Variants in NKAIN2 observed in about 807,000 individuals in gnomAD.
The protein encoded by NKAIN2 is sodium/potassium-transporting ATPase subunit beta-1-interacting protein 2.
Under a neutral mutation model 32.6 loss-of-function variants are expected in NKAIN2, and 14 were observed. The ratio of observed to expected loss-of-function variants is 0.43; its 90% CI spans 0.28 to 0.67. NKAIN2 has a LOEUF of 0.67. Ranked by LOEUF, NKAIN2 falls within the 30% of genes least tolerant of loss-of-function variation. The pLI is 0.17. For synonymous variants in NKAIN2, 80 were observed against 87.2 expected (o/e 0.92, Z 0.46); for missense variants, 198 against 258.3 (o/e 0.77, Z 1.60).
At chr6:124,056,039 C>G (rs528504185) in intron 1 of NKAIN2, among the ~76,000 whole-genome samples, 4 of 152,210 alleles carry the variant, frequency 2.6e-5, no homozygotes, top group Non-Finnish European at 5.9e-5. Context: ...CATGCCTGCT[C>G]TCTTAATTCC....
chr6:123,902,955 G>A (rs1774675753), intron 1 of NKAIN2, among the ~76,000 whole-genome samples: 1 of 152,138 alleles, frequency 6.6e-6, no homozygotes, highest in African/African-American at 2.4e-5. Context: ...ATAGTGTAAT[G>A]TCCAAAGCAG....
At chr6:123,840,751 C>T (rs944827688) in intron 1 of NKAIN2, among the ~76,000 whole-genome samples, 6 of 151,926 alleles carry the variant, frequency 3.9e-5, no homozygotes, top group Non-Finnish European at 5.9e-5. Context: ...GAAAATAGTA[C>T]AATAAGACTA....
At chr6:124,740,968 G>T (rs983299680) in intron 4 of NKAIN2, among the ~76,000 whole-genome samples, 2 of 151,756 alleles carry the variant, frequency 1.3e-5, no homozygotes, top group African/African-American at 4.8e-5. Flanking sequence ...AGAAAAGATG[G>T]TAACTTAGAC....
intron 1 of NKAIN2, among the ~76,000 whole-genome samples, chr6:124,192,005 C>T (rs1790044663): frequency 8.3e-6 from 1 of 121,094 alleles, no homozygotes; most frequent in African/African-American, 5.4e-5. Context: ...CTTAATTAGT[C>T]TTCTTAGGAG....
intron 1 of NKAIN2, among the ~76,000 whole-genome samples, chr6:123,932,642 C>T (rs910673987): frequency 6.6e-6 from 1 of 152,040 alleles, no homozygotes; most frequent in African/African-American, 2.4e-5. Context: ...TGGTCCCGAT[C>T]TCCTGACCTT....
chr6:124,108,133 C>T (rs1364460890), intron 1 of NKAIN2, among the ~76,000 whole-genome samples: 2 of 152,100 alleles, frequency 1.3e-5, no homozygotes, highest in Non-Finnish European at 2.9e-5. Flanking sequence ...TTTACATTCC[C>T]ATCCACAGTG....
intron 1 of NKAIN2, among the ~76,000 whole-genome samples, chr6:124,168,035 C>T (rs571133038): frequency 7.5e-4 from 114 of 152,260 alleles, no homozygotes; most frequent in African/African-American, 2.7e-3. Flanking sequence ...ATTTATTCTG[C>T]CTCAATGCCA....
chr6:124,064,653 A>G (rs1783077393), intron 1 of NKAIN2, among the ~76,000 whole-genome samples: 4 of 152,192 alleles, frequency 2.6e-5, no homozygotes, highest in Admixed American at 6.5e-5. Context: ...ATGTGGTAAC[A>G]TTTGACATCT....
At chr6:124,763,537 C>A (rs1778370159) in intron 4 of NKAIN2, among the ~76,000 whole-genome samples, 1 of 152,122 alleles carries the variant, frequency 6.6e-6, no homozygotes, top group East Asian at 1.9e-4. Flanking sequence ...GCAATCTGCC[C>A]CCATAATCCA....
intron 1 of NKAIN2, among the ~76,000 whole-genome samples, chr6:124,178,881 T>C (rs1022723712): frequency 6.6e-6 from 1 of 152,140 alleles, no homozygotes; most frequent in Non-Finnish European, 1.5e-5. Flanking sequence ...AACAGTGAAT[T>C]CAGACTTTGA....
intron 3 of NKAIN2, among the ~76,000 whole-genome samples, chr6:124,644,825 G>A (rs1784112433): frequency 6.6e-6 from 1 of 152,118 alleles, no homozygotes; most frequent in South Asian, 2.1e-4. Context: ...GATATACATG[G>A]CACAGATCAC....
At chr6:124,169,275 A>C (rs1230928438) in intron 1 of NKAIN2, among the ~76,000 whole-genome samples, 2 of 152,150 alleles carry the variant, frequency 1.3e-5, no homozygotes, top group Non-Finnish European at 2.9e-5. Context: ...TCTAAATAAT[A>C]TTCTTTACAT....
intron 4 of NKAIN2, among the ~76,000 whole-genome samples, chr6:124,764,265 C>T (rs1184017835): frequency 6.6e-6 from 1 of 152,052 alleles, no homozygotes; most frequent in East Asian, 1.9e-4. Context: ...TAGGTCATTA[C>T]AATTACTGTG....
At chr6:123,808,640 C>G (rs1258170228) in intron 1 of NKAIN2, among the ~76,000 whole-genome samples, 1 of 152,122 alleles carries the variant, frequency 6.6e-6, no homozygotes, top group East Asian at 1.9e-4. Context: ...AAAGTCAACC[C>G]ATGTGGAGCT....
chr6:124,510,355 G>A (rs1281501931), intron 3 of NKAIN2, among the ~76,000 whole-genome samples: 1 of 151,874 alleles, frequency 6.6e-6, no homozygotes, highest in Admixed American at 6.6e-5. Flanking sequence ...GAAGATATTT[G>A]ACTTTTTTTC....
intron 1 of NKAIN2, among the ~76,000 whole-genome samples, chr6:124,281,114 T>G (rs1795272557): frequency 6.6e-6 from 1 of 152,186 alleles, no homozygotes. Flanking sequence ...TTTCCCACTG[T>G]TAGACTGATG....
At chr6:123,878,274 AT>A (rs974036886) in intron 1 of NKAIN2, among the ~76,000 whole-genome samples, 1 of 152,126 alleles carries the variant, frequency 6.6e-6, no homozygotes, top group African/African-American at 2.4e-5. Flanking sequence ...AATACATAAT[AT>A]TTTCTGAGGT....
At chr6:124,257,103 C>G (rs1793985687) in intron 1 of NKAIN2, among the ~76,000 whole-genome samples, 2 of 151,556 alleles carry the variant, frequency 1.3e-5, no homozygotes, top group Non-Finnish European at 2.9e-5. Context: ...TTCTACACCT[C>G]TAATCAGACT....
intron 1 of NKAIN2, among the ~76,000 whole-genome samples, chr6:123,892,042 G>A (rs1774043265): frequency 6.6e-6 from 1 of 152,150 alleles, no homozygotes; most frequent in Non-Finnish European, 1.5e-5. Context: ...TTCAGTCTCA[G>A]AGAACCTGGA....
Sources: gnomAD v4.1 joint callset for allele counts (sites outside exome capture counted in the v4.1 genomes callset) on GRCh38, gnomAD v4.1.1 for gene constraint, MANE v1.5 for transcripts, NCBI Gene and HGNC (gene_info 2026-07-23, HGNC 2026-07-21) for gene names.